The following NAALADL2 variants were observed in gnomAD, a reference collection of about 807,000 sequenced individuals.
The protein encoded by NAALADL2 is inactive N-acetylated-alpha-linked acidic dipeptidase-like protein 2.
Under a neutral mutation model 87.2 loss-of-function variants are expected in NAALADL2, and 76 were observed. The observed-to-expected ratio is 0.87, with a 90% CI of 0.72 to 1.05. The LOEUF is 1.05. NAALADL2 is among the 50% of genes least tolerant of loss of function. NAALADL2 has a pLI of 0.00. For missense variants in NAALADL2, 1,089 were observed against 945.8 expected (o/e 1.15, Z -1.99); for synonymous variants, 354 against 331.0 (o/e 1.07, Z -0.75).
intron 2 of NAALADL2, among the ~76,000 whole-genome samples, chr3:174,625,162 G>A (rs1721445542): frequency 6.8e-6 from 1 of 147,870 alleles, no homozygotes; most frequent in African/African-American, 2.5e-5. Flanking sequence ...AGGCTCAAGT[G>A]ATTCTCCTGC....
intron 1 of NAALADL2, among the ~76,000 whole-genome samples, chr3:174,499,174 C>A (rs1035869422): frequency 1.3e-5 from 2 of 152,024 alleles, no homozygotes; most frequent in African/African-American, 4.8e-5. Context: ...GATCTTGGAA[C>A]ATGTGCTCCC....
intron 1 of NAALADL2, among the ~76,000 whole-genome samples, chr3:175,012,116 C>T (rs1437236902): frequency 3.3e-5 from 5 of 152,054 alleles, no homozygotes; most frequent in Non-Finnish European, 5.9e-5. Flanking sequence ...ACTGAGAGAA[C>T]GTGGACAGTA....
At chr3:175,451,180 T>A (rs1250203203) in intron 6 of NAALADL2, among the ~76,000 whole-genome samples, 2 of 152,158 alleles carry the variant, frequency 1.3e-5, no homozygotes, top group Non-Finnish European at 2.9e-5. Context: ...CCTATTTATA[T>A]TTGGTTTTTG....
intron 2 of NAALADL2, among the ~76,000 whole-genome samples, chr3:174,644,630 T>G (rs1205891409): frequency 1.3e-5 from 2 of 152,116 alleles, no homozygotes; most frequent in Non-Finnish European, 2.9e-5. Flanking sequence ...TTGGGAAAGT[T>G]TAGCTGATAC....
chr3:175,396,495 C>CAGTT (rs1344029234), intron 5 of NAALADL2, among the ~76,000 whole-genome samples: 4 of 152,008 alleles, frequency 2.6e-5, no homozygotes, highest in Admixed American at 2.0e-4. Context: ...CTGGGACCTA[C>CAGTT]AGTTATTAGA....
chr3:175,255,381 A>T (rs916842034), intron 3 of NAALADL2, among the ~76,000 whole-genome samples: 2 of 152,202 alleles, frequency 1.3e-5, no homozygotes, highest in Non-Finnish European at 2.9e-5. Context: ...GTTGAAGTGC[A>T]TTAGTTTCAA....
chr3:175,174,823 T>C (rs902713774), intron 2 of NAALADL2, among the ~76,000 whole-genome samples: 2 of 110,046 alleles, frequency 1.8e-5, no homozygotes, highest in East Asian at 6.3e-4. Context: ...TATATATGTA[T>C]ACACACACAC....
intron 3 of NAALADL2, among the ~76,000 whole-genome samples, chr3:174,833,685 A>G (rs1424274945): frequency 1.3e-5 from 2 of 152,140 alleles, no homozygotes; most frequent in Non-Finnish European, 2.9e-5. Flanking sequence ...CAATGCAGCT[A>G]TATATGAAAA....
At chr3:175,674,843 G>A (rs1582857625) in intron 11 of NAALADL2, among the ~76,000 whole-genome samples, 1 of 152,052 alleles carries the variant, frequency 6.6e-6, no homozygotes. Context: ...ACACTGTATA[G>A]GTACTTTTGT....
At chr3:175,105,498 T>C (rs1722945524) in intron 2 of NAALADL2, among the ~76,000 whole-genome samples, 1 of 150,548 alleles carries the variant, frequency 6.6e-6, no homozygotes, top group Non-Finnish European at 1.5e-5. Flanking sequence ...TGTATGTGTG[T>C]GTATATTTAT....
At chr3:175,718,632 G>T (rs1270621891) in intron 11 of NAALADL2, 113 of 1,591,400 alleles carry the variant, frequency 7.1e-5, no homozygotes, top group Non-Finnish European at 9.3e-5. Context: ...CGGAAATTGC[G>T]AGGGACTTTT....
Position 175,804,979 on chromosome 3 carries a change from G to T in NAALADL2, c.*1776G>T, listed in dbSNP as rs983959249. 4 of 151,886 alleles carry T rather than the reference G, an allele frequency of 2.6e-5. No homozygotes were observed. The highest frequency in any genetic ancestry group is 5.9e-5 in the Non-Finnish European group (4 of 67,870). The allele number at this position is 151,886 out of a possible 1,614,324, so 9.4% of individuals were successfully genotyped here. A position where few individuals can be genotyped will look rare whatever the true frequency, so the allele number is the denominator to read the frequency against. On this transcript the variant is annotated 3_prime_UTR_variant, in exon 14 of 14. Transcript: ENST00000454872. ...TTGCAAACATTTGCCATGTTGAAGA[G>T]TGTGTATAGGAAAGGTCTAGAAATA...
At chr3:174,827,918 C>T (rs1722181338) in intron 3 of NAALADL2, among the ~76,000 whole-genome samples, 1 of 152,138 alleles carries the variant, frequency 6.6e-6, no homozygotes, top group African/African-American at 2.4e-5. Context: ...GTGCTATGCT[C>T]ATGCCTGTAA....
At chr3:175,353,108 ATGTGTG>A (rs113022824) in intron 5 of NAALADL2, among the ~76,000 whole-genome samples, 142 of 144,966 alleles carry the variant, frequency 9.8e-4, no homozygotes, top group African/African-American at 2.3e-3. Context: ...ATTTAATAAA[ATGTGTG>A]TGTGTGTGTG....
chr3:174,727,066 TTCTC>T lies in NAALADL2; in HGVS notation c.-114-10571_-114-10568del, dbSNP rs1410246045. On this transcript the variant is annotated intron_variant, in intron 2 of 3. Coordinates refer to the NAALADL2 transcript ENST00000434257. Reference sequence around the variant, plus strand: ...GAATCAGGAAATAAAAGAAAGGTCATTCTCTCTTGAAACTAATATCTTAATTTTT... The same window carrying T: ...GAATCAGGAAATAAAAGAAAGGTCATTCTTGAAACTAATATCTTAATTTTT... Among the ~76,000 whole-genome samples the T allele has an allele frequency of 6.6e-5, 10 of 152,250 alleles. No individual in the cohort carries two copies. In the East Asian group the frequency reaches 1.7e-3, roughly 26 times the overall value.
At chr3:174,667,562 T>TTTTTTTTTTTTA (rs1553814188) in intron 2 of NAALADL2, among the ~76,000 whole-genome samples, 1 of 105,548 alleles carries the variant, frequency 9.5e-6, no homozygotes. Flanking sequence ...TTTTTTTTTT[T>TTTTTTTTTTTTA]ATAGCAAGAC....
chr3:174,732,003 G>A (rs1560179376), intron 2 of NAALADL2, among the ~76,000 whole-genome samples: 1 of 152,070 alleles, frequency 6.6e-6, no homozygotes, highest in African/African-American at 2.4e-5. Flanking sequence ...GAATGGGTGT[G>A]GTTGTGTCCC....
chr3:175,428,892 T>C (rs1440214636), intron 5 of NAALADL2, among the ~76,000 whole-genome samples: 1 of 152,084 alleles, frequency 6.6e-6, no homozygotes, highest in Non-Finnish European at 1.5e-5. Context: ...ACACTATGTA[T>C]ATCTATTTTT....
intron 4 of NAALADL2, among the ~76,000 whole-genome samples, chr3:175,289,553 T>C (rs913841724): frequency 6.6e-6 from 1 of 152,056 alleles, no homozygotes; most frequent in African/African-American, 2.4e-5. Context: ...GAAAAAACCT[T>C]TATAACCTTT....
Sources: gnomAD v4.1 joint callset for allele counts (sites outside exome capture counted in the v4.1 genomes callset) on GRCh38, gnomAD v4.1.1 for gene constraint, MANE v1.5 for transcripts, NCBI Gene and HGNC (gene_info 2026-07-23, HGNC 2026-07-21) for gene names.